Variants in IL12RB2 observed in about 807,000 individuals in gnomAD.
The protein encoded by IL12RB2 is interleukin-12 receptor subunit beta-2.
A neutral mutation model predicts 89.4 loss-of-function variants in IL12RB2; 82 were observed. The ratio of observed to expected loss-of-function variants is 0.92; its 90% CI spans 0.77 to 1.10. The LOEUF (loss-of-function observed/expected upper bound fraction) is 1.10. Ranked by LOEUF, IL12RB2 falls within the 50% of genes least tolerant of loss-of-function variation. The pLI is 0.00. For synonymous variants in IL12RB2, 368 were observed against 370.1 expected (o/e 0.99, Z 0.07); for missense variants, 963 against 1,031.9 (o/e 0.93, Z 0.92).
intron 9 of IL12RB2, among the ~76,000 whole-genome samples, chr1:67,344,267 AAAG>A (rs1455247821): frequency 6.6e-6 from 1 of 152,194 alleles, no homozygotes; most frequent in African/African-American, 2.4e-5. Flanking sequence ...TAAAATGTAA[AAAG>A]AAACAGGTGA....
chr1:67,331,829 A>G (rs1558309191), intron 8 of IL12RB2, among the ~76,000 whole-genome samples: 1 of 150,830 alleles, frequency 6.6e-6, no homozygotes, highest in Non-Finnish European at 1.5e-5. Flanking sequence ...ACAGATCGAG[A>G]CTGCATCTCA....
Position 67,358,138 on chromosome 1 carries a change from C to T in IL12RB2, c.1258+7049C>T, listed in dbSNP as rs182882366. Among the ~76,000 whole-genome samples the T allele has an allele frequency of 6.6e-3, 998 of 151,578 alleles. 7 individuals carry two copies. The highest frequency in any genetic ancestry group is 0.023 in the African/African-American group (958 of 41,308). ...ATTTAGGGAGAAAAAAGCAAATCAC[C>T]TACTAAAGAAAAAGAATCAAAAGGA... On this transcript the variant is annotated intron_variant, in intron 10 of 16. Transcript: ENST00000674203.
chr1:67,396,238 A>G lies in IL12RB2; in HGVS notation c.*149A>G. ...AGGACAGGCAAGCCAGCTCTGGGGG[A>G]GTCTTAGGAACTGGGAGTTGGTCTT... On this transcript the variant is annotated 3_prime_UTR_variant, in exon 17 of 17. Coordinates refer to ENST00000674203, the MANE Select transcript of IL12RB2 (RefSeq NM_001374259.2). The G allele has an allele frequency of 1.3e-6, 1 of 747,562 alleles. No homozygotes were observed. Among genetic ancestry groups the G allele is most frequent in the East Asian group, 2.4e-5 (1 of 40,884 alleles). 46.3% of individuals were successfully genotyped at this position (747,562 alleles called of 1,614,324 possible). A position where few individuals can be genotyped will look rare whatever the true frequency, so the allele number is the denominator to read the frequency against.
Position 67,367,995 on chromosome 1 carries a change from C to T in IL12RB2, c.1429C>T (p.Arg477Ter), listed in dbSNP as rs760020484. 1.2e-5 allele frequency: 19 copies of T among 1,607,154 alleles called. No homozygotes were observed. Among genetic ancestry groups the T allele is most frequent in the African/African-American group, 8.0e-5 (6 of 74,790 alleles). Residue 477 changes from arginine to a stop codon, truncating the protein, a stop_gained, in exon 11 of 17, where the codon CGA (arginine) becomes TGA (stop). Coordinates refer to ENST00000674203, the MANE Select transcript of IL12RB2 (RefSeq NM_001374259.2). LOFTEE classifies it high-confidence loss of function. ...TQVPLNWLRS[R>*]PYNVSALISE... is the part of the protein sequence containing the mutation. ...GGTCCCTCTAAACTGGCTACGGAGT[C>T]GACCCTACAATGTGTCTGCTCTGAT...
chr1:67,329,235 A>G (rs17129794), intron 6 of IL12RB2, among the ~76,000 whole-genome samples: 1 of 152,010 alleles, frequency 6.6e-6, no homozygotes, highest in African/African-American at 2.4e-5. Context: ...GGCAGTCATC[A>G]CTAGCCGTCT....
rs748668436 is a variant in IL12RB2 at position 67,338,744 on chromosome 1, C to T, written c.1038+41C>T. The T allele has an allele frequency of 5.4e-5, 51 of 947,692 alleles. No individual in the cohort carries two copies. The South Asian group carries it at 6.6e-4, about 12-fold the overall frequency. 58.7% of individuals were successfully genotyped at this position (947,692 alleles called of 1,614,324 possible). On this transcript the variant is annotated intron_variant, in intron 9 of 16. Coordinates refer to ENST00000674203, the MANE Select transcript of IL12RB2 (RefSeq NM_001374259.2). ...CAACTTAAAACTCAAGGGAATAAAA[C>T]TGAAGGCAGAAAAAGACCTATTTGC...
chr1:67,338,188 G>T (rs1245070572), intron 8 of IL12RB2, among the ~76,000 whole-genome samples: 1 of 151,292 alleles, frequency 6.6e-6, no homozygotes, highest in African/African-American at 2.4e-5. Flanking sequence ...AATTAGCCAG[G>T]CGTGGTGGTA....
chr1:67,335,701 A>T (rs1221973847), intron 8 of IL12RB2, among the ~76,000 whole-genome samples: 3 of 152,122 alleles, frequency 2.0e-5, no homozygotes, highest in Non-Finnish European at 4.4e-5. Flanking sequence ...TGAGGTTAGA[A>T]CTTTTAGTGA....
chr1:67,370,798 C>T (rs1663219883), intron 11 of IL12RB2, among the ~76,000 whole-genome samples: 1 of 152,008 alleles, frequency 6.6e-6, no homozygotes, highest in East Asian at 1.9e-4. Context: ...GGGGAAGAAG[C>T]TTGCTAGGAG....
At position 67,316,518 on chromosome 1, in the gene IL12RB2, T is replaced by G. The variant is rs141745925; in HGVS notation, c.-37+2518T>G. Among the ~76,000 whole-genome samples the G allele has an allele frequency of 4.4e-3, 671 of 152,038 alleles. 5 individuals are homozygous for G. Among genetic ancestry groups the G allele is most frequent in the African/African-American group, 0.015 (614 of 41,458 alleles). Reference sequence around the variant, plus strand: ...CAATTAAAATAAGTAAAATTCCTAATTAAACACCAGTGGTTTCCCATACAT... The same window carrying G: ...CAATTAAAATAAGTAAAATTCCTAAGTAAACACCAGTGGTTTCCCATACAT... On this transcript the variant is annotated intron_variant, in intron 2 of 16. Transcript: ENST00000674203.
At chr1:67,371,230 T>C (rs551020512) in intron 11 of IL12RB2, among the ~76,000 whole-genome samples, 1 of 152,258 alleles carries the variant, frequency 6.6e-6, no homozygotes, top group African/African-American at 2.4e-5. Context: ...GCTTAGTTCA[T>C]GAACTCAAAT....
intron 13 of IL12RB2, among the ~76,000 whole-genome samples, chr1:67,379,465 G>T (rs957609141): frequency 1.5e-5 from 2 of 132,788 alleles, no homozygotes; most frequent in African/African-American, 2.7e-5. Flanking sequence ...AGCCGAGATC[G>T]CATCACTGCT....
chr1:67,352,250 T>C (rs1660932481), intron 10 of IL12RB2, among the ~76,000 whole-genome samples: 1 of 152,210 alleles, frequency 6.6e-6, no homozygotes. Flanking sequence ...GTTAGGGTTG[T>C]TCTTACCAAA....
chr1:67,377,403 A>G (rs959138378), intron 13 of IL12RB2, among the ~76,000 whole-genome samples: 3 of 152,202 alleles, frequency 2.0e-5, no homozygotes, highest in East Asian at 3.8e-4. Context: ...TCAATGAGCT[A>G]GCAGGTGTGA....
At chr1:67,368,772 G>T (rs188667967) in intron 11 of IL12RB2, among the ~76,000 whole-genome samples, 1 of 152,118 alleles carries the variant, frequency 6.6e-6, no homozygotes, top group Admixed American at 6.6e-5. Context: ...TTACTTAACC[G>T]CTTTGTGCCT....
At chr1:67,363,886 C>T (rs1662391560) in intron 10 of IL12RB2, among the ~76,000 whole-genome samples, 1 of 152,108 alleles carries the variant, frequency 6.6e-6, no homozygotes, top group Non-Finnish European at 1.5e-5. Context: ...ATTAAAACCA[C>T]AAATGGCAGA....
At chr1:67,390,243 G>A in intron 16 of IL12RB2, 115 bp downstream of exon 16, 1 of 704,946 alleles carries the variant, frequency 1.4e-6, no homozygotes, top group Non-Finnish European at 2.6e-6. Context: ...TTGAGCTTAA[G>A]TTATTCACGC....
intron 16 of IL12RB2, among the ~76,000 whole-genome samples, chr1:67,393,610 C>T (rs562300102): frequency 2.6e-5 from 4 of 152,312 alleles, no homozygotes; most frequent in African/African-American, 9.6e-5. Context: ...CGAAGTGAAA[C>T]GCAAACACAC....
At chr1:67,319,133 G>T (rs912659302) in intron 2 of IL12RB2, among the ~76,000 whole-genome samples, 2 of 152,196 alleles carry the variant, frequency 1.3e-5, no homozygotes, top group African/African-American at 4.8e-5. Context: ...ATGAATAAGT[G>T]AAATTTTCTG....
Sources: gnomAD v4.1 joint callset for allele counts (sites outside exome capture counted in the v4.1 genomes callset) on GRCh38, gnomAD v4.1.1 for gene constraint, MANE v1.5 for transcripts, NCBI Gene and HGNC (gene_info 2026-07-23, HGNC 2026-07-21) for gene names.